SLC31A1: variants seen among roughly 807,000 people sequenced by gnomAD.
SLC31A1 encodes high affinity copper uptake protein 1.
Under a neutral mutation model 17.2 loss-of-function variants are expected in SLC31A1, and 5 were observed. The observed-to-expected ratio is 0.29, with a 90% CI of 0.15 to 0.61. SLC31A1 has a LOEUF of 0.61. Ranked by LOEUF, SLC31A1 falls within the 20% of genes least tolerant of loss-of-function variation. SLC31A1 has a pLI of 0.86. For missense variants in SLC31A1, 161 were observed against 241.4 expected (o/e 0.67, Z 2.21); for synonymous variants, 76 against 78.8 (o/e 0.96, Z 0.19).
intron 3 of SLC31A1, among the ~76,000 whole-genome samples, chr9:113,257,823 T>G (rs1831745309): frequency 6.6e-6 from 1 of 152,180 alleles, no homozygotes; most frequent in Non-Finnish European, 1.5e-5. Context: ...TTATTAGTCC[T>G]GGACATAAGA....
In SLC31A1 at chr9:113,236,130, G is replaced by A. The variant is rs141524914; in HGVS notation, c.-36+14452G>A. ...AGCTTCCTGAGTTGCTGGAATTACAGGTGCACGCCACCAAACCTGGCTAGT... is the reference window on the plus strand; with the variant it reads ...AGCTTCCTGAGTTGCTGGAATTACAAGTGCACGCCACCAAACCTGGCTAGT... On this transcript the variant is annotated intron_variant, in intron 1 of 4. Transcript: ENST00000374212. Among the ~76,000 whole-genome samples, 143 of 152,230 alleles carry A rather than the reference G, an allele frequency of 9.4e-4. 2 individuals carry two copies. In the East Asian group the frequency reaches 0.026, roughly 27 times the overall value.
chr9:113,234,458 T>A (rs1282927766), intron 1 of SLC31A1, among the ~76,000 whole-genome samples: 1 of 147,548 alleles, frequency 6.8e-6, no homozygotes, highest in Non-Finnish European at 1.5e-5. Context: ...ATTACAGGCA[T>A]GAACCACCGC....
At chr9:113,237,397 A>G (rs1587989885) in intron 1 of SLC31A1, among the ~76,000 whole-genome samples, 1 of 152,176 alleles carries the variant, frequency 6.6e-6, no homozygotes, top group Non-Finnish European at 1.5e-5. Flanking sequence ...AGAATATCCA[A>G]TTGTGCCTCA....
intron 3 of SLC31A1, among the ~76,000 whole-genome samples, 181 bp downstream of exon 3, chr9:113,257,366 C>G (rs773043703): frequency 1.3e-5 from 2 of 151,908 alleles, no homozygotes; most frequent in Non-Finnish European, 2.9e-5. Flanking sequence ...TTTTGGTCCT[C>G]TGGTAAACCT....
chr9:113,241,939 G>A (rs976853527), intron 1 of SLC31A1, among the ~76,000 whole-genome samples: 1 of 152,180 alleles, frequency 6.6e-6, no homozygotes, highest in African/African-American at 2.4e-5. Context: ...AATATACTAT[G>A]GCTCTTCAGA....
intron 1 of SLC31A1, among the ~76,000 whole-genome samples, chr9:113,251,196 G>A (rs1831648257): frequency 6.6e-6 from 1 of 152,214 alleles, no homozygotes; most frequent in African/African-American, 2.4e-5. Context: ...GCCAAGGTGG[G>A]CAGATCATTT....
chr9:113,258,616 C>T lies in SLC31A1; in HGVS notation c.203-78C>T. On this transcript the variant is annotated intron_variant, in intron 3 of 4. Coordinates refer to ENST00000374212, the MANE Select transcript of SLC31A1 (RefSeq NM_001859.4). This position sits in a 1 kb window ranked among gnomAD's most constrained non-coding sequence, Gnocchi z 4.8. ...TGAGAGTAGCATTTTTTCTATGTGT[C>T]TTTCTAGCTGGACAGCACATTGGCT... is the stretch of plus-strand genomic sequence containing the variant. The T allele has an allele frequency of 6.6e-7, 1 of 1,503,922 alleles. No homozygotes were observed. The highest frequency in any genetic ancestry group is 1.7e-5 in the Admixed American group (1 of 59,484). The allele number at this position is 1,503,922 out of a possible 1,614,324, so 93.2% of individuals were successfully genotyped here.
chr9:113,257,159 C>T lies in SLC31A1; in HGVS notation c.176C>T (p.Ser59Phe). The change falls in exon 3 of 5, where the codon TCC becomes TTC. Residue 59 changes from serine (S) to phenylalanine (F), a missense_variant. Transcript: ENST00000374212. ...FGFKNVELLF[S>F]GLVINTAGEM... ...TTTAAGAATGTGGAACTACTGTTTTCCGGTTTGGTGATCAATACAGCTGGA... is the reference window on the plus strand; with the variant it reads ...TTTAAGAATGTGGAACTACTGTTTTTCGGTTTGGTGATCAATACAGCTGGA... The T allele has an allele frequency of 6.2e-7, 1 of 1,613,868 alleles. No individual in the cohort carries two copies. Among genetic ancestry groups the T allele is most frequent in the Non-Finnish European group, 8.5e-7 (1 of 1,179,864 alleles).
chr9:113,221,621 G>A lies in SLC31A1; in HGVS notation c.-93G>A. ...AGGGGCCGTTCGAAGAGTCGTGAGG[G>A]GGTGACGGGTTAAGATTCGGAGAGA... On this transcript the variant is annotated 5_prime_UTR_variant, in exon 1 of 5. Transcript: ENST00000374212. 1 of 376,446 alleles carries A rather than the reference G, an allele frequency of 2.7e-6. No homozygotes were observed. Among genetic ancestry groups the A allele is most frequent in the Admixed American group, 3.9e-5 (1 of 25,548 alleles). 23.3% of individuals were successfully genotyped at this position (376,446 alleles called of 1,614,324 possible).
Position 113,260,808 on chromosome 9 carries a change from T to A in SLC31A1, c.*335T>A, listed in dbSNP as rs1564222609. On this transcript the variant is annotated 3_prime_UTR_variant, in exon 5 of 5. Coordinates refer to ENST00000374212, the MANE Select transcript of SLC31A1 (RefSeq NM_001859.4). ...TGTAGCTTTTTGTTCAATGACTTGATCATCTGCTTCCTTTTTGAATTTTTA... is the reference window on the plus strand; with the variant it reads ...TGTAGCTTTTTGTTCAATGACTTGAACATCTGCTTCCTTTTTGAATTTTTA... The A allele has an allele frequency of 9.0e-6, 3 of 334,756 alleles. No homozygotes were observed. The highest frequency in any genetic ancestry group is 1.7e-5 in the Non-Finnish European group (3 of 174,688). 20.7% of individuals were successfully genotyped at this position (334,756 alleles called of 1,614,324 possible).
intron 1 of SLC31A1, 73 bp downstream of exon 1, chr9:113,221,751 CTTCCTCGCCGCT>C (rs1831274299): frequency 5.1e-6 from 1 of 197,532 alleles, no homozygotes; most frequent in African/African-American, 2.3e-5. Context: ...GGACAAGGAC[CTTCCTCGCCGCT>C]TTCCTCAGCT....
intron 4 of SLC31A1, 52 bp from the exon 5 acceptor site, chr9:113,260,220 T>C (rs1248530844): frequency 6.6e-7 from 1 of 1,506,798 alleles, no homozygotes; most frequent in Non-Finnish European, 9.2e-7. Flanking sequence ...TTTCTCCTGA[T>C]CTGCAGAACT....
intron 1 of SLC31A1, among the ~76,000 whole-genome samples, chr9:113,222,324 A>G (rs774819966): frequency 2.0e-5 from 3 of 152,164 alleles, no homozygotes; most frequent in African/African-American, 4.8e-5. Context: ...CCCCACCCCA[A>G]CTTTGGCGTG....
At chr9:113,246,157 C>T (rs1324713258) in intron 1 of SLC31A1, among the ~76,000 whole-genome samples, 1 of 151,672 alleles carries the variant, frequency 6.6e-6, no homozygotes, top group Non-Finnish European at 1.5e-5. Context: ...CACAAGCGAT[C>T]CTCCCACACC....
intron 1 of SLC31A1, among the ~76,000 whole-genome samples, chr9:113,225,505 A>G (rs1332716871): frequency 6.6e-6 from 1 of 152,228 alleles, no homozygotes; most frequent in Admixed American, 6.5e-5. Context: ...AATGGCCCCT[A>G]GAACATGAGG....
rs989692775 is a variant in SLC31A1, at chr9:113,261,344, T to C, written c.*871T>C. ...GCCTTTCTCTAGATGTGATACGTTA[T>C]ACCAAAATCTTTGTAGTGTGCAGAG... On this transcript the variant is annotated 3_prime_UTR_variant, in exon 5 of 5. Transcript: ENST00000374212. The C allele has an allele frequency of 2.0e-5, 3 of 152,698 alleles. No homozygotes were observed. The highest frequency in any genetic ancestry group is 7.2e-5 in the African/African-American group (3 of 41,476). The allele number at this position is 152,698 out of a possible 1,614,324, so 9.5% of individuals were successfully genotyped here.
intron 1 of SLC31A1, among the ~76,000 whole-genome samples, chr9:113,254,146 GT>G (rs1831693484): frequency 6.6e-6 from 1 of 151,870 alleles, no homozygotes; most frequent in South Asian, 2.1e-4. Context: ...TAGAGATGGG[GT>G]TTCATCATGT....
intron 1 of SLC31A1, among the ~76,000 whole-genome samples, chr9:113,223,549 C>G (rs1018126354): frequency 1.3e-5 from 2 of 152,222 alleles, no homozygotes; most frequent in Admixed American, 6.5e-5. Flanking sequence ...CAACCTTGAT[C>G]TCAAGTTTAA....
At chr9:113,229,374 G>A (rs904267670) in intron 1 of SLC31A1, among the ~76,000 whole-genome samples, 12 of 152,138 alleles carry the variant, frequency 7.9e-5, no homozygotes, top group African/African-American at 2.7e-4. Flanking sequence ...AACATACTCT[G>A]TTTCCTTTTT....
Sources: allele counts gnomAD v4.1 joint callset (sites outside exome capture counted in the v4.1 genomes callset), GRCh38; gene constraint gnomAD v4.1.1; non-coding constraint Gnocchi (gnomAD v3.1); transcripts MANE v1.5; gene names NCBI Gene and HGNC (gene_info 2026-07-23, HGNC 2026-07-21).